MDFIC2: variants seen among roughly 807,000 people sequenced by gnomAD.
The protein encoded by MDFIC2 is MyoD family inhibitor domain containing 2, also known as myoD family inhibitor domain-containing protein 2.
At chr3:70,278,240 T>C (rs9682662) in intron 2 of MDFIC2, among the ~76,000 whole-genome samples, 1 of 152,168 alleles carries the variant, frequency 6.6e-6, no homozygotes, top group Non-Finnish European at 1.5e-5. Context: ...GAAAGATTCA[T>C]TTACATTCTT....
At chr3:70,246,135 G>A (rs1701706546) in intron 2 of MDFIC2, among the ~76,000 whole-genome samples, 1 of 151,706 alleles carries the variant, frequency 6.6e-6, no homozygotes, top group Non-Finnish European at 1.5e-5. Flanking sequence ...GATGCTTCTG[G>A]GATGAACCGT....
intron 2 of MDFIC2, among the ~76,000 whole-genome samples, chr3:70,300,723 T>C (rs1702338767): frequency 1.3e-5 from 2 of 152,112 alleles, no homozygotes; most frequent in African/African-American, 2.4e-5. Context: ...TCTTCTGTCA[T>C]AGAACAAGTA....
intron 2 of MDFIC2, among the ~76,000 whole-genome samples, chr3:70,263,617 C>T (rs1379168417): frequency 6.6e-6 from 1 of 152,186 alleles, no homozygotes; most frequent in Non-Finnish European, 1.5e-5. Context: ...TTTCACTTCA[C>T]ACATGTAGAT....
rs537740239 is a variant in MDFIC2, at chr3:70,312,193, G to A, written c.1-220C>T. Among the ~76,000 whole-genome samples the A allele has an allele frequency of 8.5e-5, 13 of 152,214 alleles. No homozygotes were observed. In the South Asian group the frequency reaches 2.5e-3, roughly 29 times the overall value. On this transcript the variant is annotated intron_variant, in intron 1 of 3. Transcript: ENST00000567252. ...ACTTTATATGATATTTCTTTGCCCA[G>A]CAACAAAGATTGTTACAAGACCTTA...
chr3:70,288,014 T>C (rs899931043), intron 2 of MDFIC2, among the ~76,000 whole-genome samples: 31 of 152,132 alleles, frequency 2.0e-4, no homozygotes, highest in African/African-American at 7.5e-4. Context: ...AACCAGCTCC[T>C]GGATTCATTA....
At chr3:70,307,362 C>T (rs1702412295) in intron 2 of MDFIC2, among the ~76,000 whole-genome samples, 1 of 152,076 alleles carries the variant, frequency 6.6e-6, no homozygotes, top group African/African-American at 2.4e-5. Flanking sequence ...CTGCAAATGG[C>T]AACAATTTAA....
At chr3:70,205,620 T>C (rs7430964) in intron 3 of MDFIC2, 151,599 of 152,160 alleles carry the variant, frequency 1, 75,523 homozygotes, top group East Asian at 1. Context: ...GACTAAAATT[T>C]AGAGATGGTA....
intron 2 of MDFIC2, among the ~76,000 whole-genome samples, chr3:70,226,980 T>A (rs1701513732): frequency 6.6e-6 from 1 of 152,170 alleles, no homozygotes; most frequent in African/African-American, 2.4e-5. Context: ...ACTGGAGCAG[T>A]GGCTCTTGAT....
chr3:70,293,841 A>G (rs1452050114), intron 2 of MDFIC2, among the ~76,000 whole-genome samples: 1 of 152,112 alleles, frequency 6.6e-6, no homozygotes, highest in African/African-American at 2.4e-5. Flanking sequence ...TAATTGGTAG[A>G]ATCAACTTAC....
chr3:70,237,590 T>C (rs1701622313), intron 2 of MDFIC2, among the ~76,000 whole-genome samples: 1 of 152,224 alleles, frequency 6.6e-6, no homozygotes, highest in African/African-American at 2.4e-5. Flanking sequence ...CTAATGTTTT[T>C]ATACTCCCAC....
intron 2 of MDFIC2, among the ~76,000 whole-genome samples, chr3:70,309,782 A>G (rs550313589): frequency 9.3e-4 from 141 of 152,376 alleles, no homozygotes; most frequent in African/African-American, 3.1e-3. Context: ...TATGAAATAT[A>G]GTAAACATAA....
chr3:70,258,651 T>C (rs1701839786), intron 2 of MDFIC2, among the ~76,000 whole-genome samples: 1 of 152,128 alleles, frequency 6.6e-6, no homozygotes, highest in African/African-American at 2.4e-5. Context: ...TACTGGAAAT[T>C]TATAGAAAGT....
At chr3:70,279,598 G>A (rs1335807452) in intron 2 of MDFIC2, among the ~76,000 whole-genome samples, 1 of 152,112 alleles carries the variant, frequency 6.6e-6, no homozygotes, top group Non-Finnish European at 1.5e-5. Flanking sequence ...ACGGAATCTG[G>A]GTTGAAGGCT....
intron 2 of MDFIC2, among the ~76,000 whole-genome samples, chr3:70,236,578 A>G (rs1468468396): frequency 6.6e-6 from 1 of 152,114 alleles, no homozygotes; most frequent in Non-Finnish European, 1.5e-5. Context: ...GGGCCTGTAA[A>G]TTGACCCTTA....
At chr3:70,218,669 C>T (rs1701436074) in intron 2 of MDFIC2, among the ~76,000 whole-genome samples, 1 of 152,014 alleles carries the variant, frequency 6.6e-6, no homozygotes, top group African/African-American at 2.4e-5. Flanking sequence ...CAGAACTATT[C>T]CTGACAAGGA....
At chr3:70,240,998 A>G (rs920571976) in intron 2 of MDFIC2, among the ~76,000 whole-genome samples, 2 of 152,160 alleles carry the variant, frequency 1.3e-5, no homozygotes, top group Non-Finnish European at 2.9e-5. Flanking sequence ...AGTCAAGGAT[A>G]TTCATTTTTT....
chr3:70,267,359 G>A (rs539336937), intron 2 of MDFIC2, among the ~76,000 whole-genome samples: 3 of 145,090 alleles, frequency 2.1e-5, no homozygotes, highest in African/African-American at 7.6e-5. Flanking sequence ...CAGGATTATA[G>A]ACTCTACTCT....
intron 2 of MDFIC2, among the ~76,000 whole-genome samples, chr3:70,307,851 C>T (rs1702417041): frequency 1.3e-5 from 2 of 152,156 alleles, no homozygotes; most frequent in African/African-American, 2.4e-5. Flanking sequence ...CTTCATTTTG[C>T]ATTATTCCGT....
chr3:70,271,003 T>C (rs1701971305), intron 2 of MDFIC2, among the ~76,000 whole-genome samples: 1 of 151,984 alleles, frequency 6.6e-6, no homozygotes, highest in Non-Finnish European at 1.5e-5. Context: ...CTGCACATTC[T>C]GCACATGTAT....
Sources: allele counts gnomAD v4.1 joint callset (sites outside exome capture counted in the v4.1 genomes callset), GRCh38; gene constraint gnomAD v4.1.1; transcripts MANE v1.5; gene names NCBI Gene and HGNC (gene_info 2026-07-23, HGNC 2026-07-21).